Variants in MYO16 observed in about 807,000 individuals in gnomAD.
MYO16 encodes the protein unconventional myosin-XVI.
Under a neutral mutation model 205.3 loss-of-function variants are expected in MYO16, and 94 were observed. The observed-to-expected ratio is 0.46, with a 90% CI of 0.39 to 0.54. The LOEUF is 0.54. MYO16 is among the 20% of genes least tolerant of loss of function. MYO16 has a pLI of 0.00. For synonymous variants in MYO16, 988 were observed against 954.0 expected (o/e 1.04, Z -0.66); for missense variants, 2,315 against 2,387.5 (o/e 0.97, Z 0.63).
rs1883578913 is a variant in MYO16 at position 108,961,494 on chromosome 13, T to G, written c.2038-45T>G. ...TTTAAAAATTTTGCCTTTTAATCTT[T>G]CTTCTAAGCACCCTATTCATTCTCT... On this transcript the variant is annotated intron_variant, in intron 17 of 34. Transcript: ENST00000457511. 2.6e-6 allele frequency: 4 copies of G among 1,513,212 alleles called. No homozygotes were observed. In the South Asian group the frequency reaches 3.4e-5, roughly 13 times the overall value. The allele number at this position is 1,513,212 out of a possible 1,614,324, so 93.7% of individuals were successfully genotyped here. A position where few individuals can be genotyped will look rare whatever the true frequency, so the allele number is the denominator to read the frequency against.
the MYO16 span, among the ~76,000 whole-genome samples, chr13:108,521,648 A>C: frequency 1.3e-5 from 2 of 152,168 alleles, no homozygotes; most frequent in Non-Finnish European, 2.9e-5. Context: ...TGTGCTCTTT[A>C]TGTCTGATAA....
chr13:108,718,568 G>A (rs1419436867), intron 3 of MYO16, among the ~76,000 whole-genome samples: 1 of 151,956 alleles, frequency 6.6e-6, no homozygotes, highest in African/African-American at 2.4e-5. Flanking sequence ...GCAGGAAAGA[G>A]AGCGGGCACA....
At chr13:109,204,694 G>A (rs775661225) in intron 34 of MYO16, among the ~76,000 whole-genome samples, 6 of 152,108 alleles carry the variant, frequency 3.9e-5, no homozygotes, top group Admixed American at 6.5e-5. Context: ...TAGATGATGC[G>A]AACAAATGGA....
intron 1 of MYO16, among the ~76,000 whole-genome samples, chr13:108,606,825 C>T (rs570563523): frequency 1.3e-5 from 2 of 152,228 alleles, no homozygotes; most frequent in African/African-American, 4.8e-5. Context: ...TCAGTGCCAG[C>T]CCATGAAAGC....
At chr13:109,078,796 A>G (rs1043591798) in intron 27 of MYO16, among the ~76,000 whole-genome samples, 64 of 152,272 alleles carry the variant, frequency 4.2e-4, no homozygotes, top group Non-Finnish European at 1.5e-4. Flanking sequence ...CTGATGCAAA[A>G]CAATCGAGTT....
intron 4 of MYO16, among the ~76,000 whole-genome samples, chr13:108,771,789 T>A (rs1408160778): frequency 1.3e-5 from 2 of 152,202 alleles, no homozygotes; most frequent in Non-Finnish European, 2.9e-5. Context: ...CTTGGTAATA[T>A]GCATTTAAGG....
intron 6 of MYO16, among the ~76,000 whole-genome samples, chr13:108,805,643 G>A (rs1377602805): frequency 6.6e-6 from 1 of 151,846 alleles, no homozygotes; most frequent in Admixed American, 6.6e-5. Context: ...TCATTTGAGT[G>A]TGATGATAGT....
At chr13:108,990,209 T>G (rs1422886464) in intron 20 of MYO16, among the ~76,000 whole-genome samples, 1 of 151,182 alleles carries the variant, frequency 6.6e-6, no homozygotes, top group Non-Finnish European at 1.5e-5. Flanking sequence ...AAAATCACGC[T>G]AAGCCTCAGC....
intron 16 of MYO16, among the ~76,000 whole-genome samples, chr13:108,927,455 G>A (rs144428241): frequency 6.6e-6 from 1 of 152,222 alleles, no homozygotes; most frequent in East Asian, 1.9e-4. Flanking sequence ...ATTCTCACAT[G>A]CCCTGCTGAG....
chr13:108,706,185 A>G (rs1409322118), intron 2 of MYO16, among the ~76,000 whole-genome samples: 1 of 152,244 alleles, frequency 6.6e-6, no homozygotes, highest in Admixed American at 6.5e-5. Flanking sequence ...TCTATATGAA[A>G]GTATCAAATG....
intron 32 of MYO16, among the ~76,000 whole-genome samples, chr13:109,156,208 A>G (rs1337938900): frequency 6.6e-6 from 1 of 152,212 alleles, no homozygotes; most frequent in African/African-American, 2.4e-5. Context: ...GCTTGTATCC[A>G]AATTTAATTA....
chr13:109,190,217 T>C (rs1182346157), intron 34 of MYO16, among the ~76,000 whole-genome samples: 1 of 152,236 alleles, frequency 6.6e-6, no homozygotes, highest in East Asian at 1.9e-4. Flanking sequence ...TTTAGGTTTG[T>C]TTTTTACATT....
intron 20 of MYO16, among the ~76,000 whole-genome samples, chr13:108,987,897 T>C (rs1381270184): frequency 6.6e-6 from 1 of 152,222 alleles, no homozygotes. Flanking sequence ...CAGTCCTTTC[T>C]CCACTCTATA....
rs111790823 is a variant in MYO16, at chr13:108,650,072, C to G, written c.29-15814C>G. 1.6e-4 allele frequency among the ~76,000 whole-genome samples: 25 copies of G among 152,002 alleles called. 2 individuals carry two copies. Among genetic ancestry groups the G allele is most frequent in the African/African-American group, 5.8e-4 (24 of 41,494 alleles). ...ATGTGAACTTTAGTTTTGTCTCAGGCCTTTTAGTACTGAAAATGTTTTATA... is the reference window on the plus strand; with the variant it reads ...ATGTGAACTTTAGTTTTGTCTCAGGGCTTTTAGTACTGAAAATGTTTTATA... On this transcript the variant is annotated intron_variant, in intron 1 of 34. Transcript: ENST00000457511.
At chr13:109,052,662 G>C (rs1055890407) in intron 25 of MYO16, among the ~76,000 whole-genome samples, 187 bp downstream of exon 25, 3 of 152,056 alleles carry the variant, frequency 2.0e-5, no homozygotes, top group Admixed American at 6.6e-5. Flanking sequence ...GGAAGGTGCA[G>C]CAGAGTGACA....
At position 109,140,819 on chromosome 13, in the gene MYO16, TGGA is replaced by T; in HGVS notation, c.4610_4612del (p.Glu1537del). ...TCCGACGAGTCGCCCCTGACACCCC[TGGA>T]GGTGAAGAAGCTGCCAGTCCTGGAG... On this transcript the variant is annotated inframe_deletion, in exon 32 of 35. Coordinates refer to ENST00000457511, the MANE Select transcript of MYO16 (RefSeq NM_001198950.3). This position sits in a 1 kb window ranked among gnomAD's most constrained non-coding sequence, Gnocchi z 8.0. The T allele has an allele frequency of 6.4e-7, 1 of 1,570,010 alleles. No homozygotes were observed. Among genetic ancestry groups the T allele is most frequent in the South Asian group, 1.1e-5 (1 of 87,972 alleles).
Position 108,866,218 on chromosome 13 carries a change from G to A in MYO16, c.1401G>A (p.Lys467=). 6.2e-7 allele frequency: 1 copy of A among 1,601,196 alleles called. No individual in the cohort carries two copies. Among genetic ancestry groups the A allele is most frequent in the Admixed American group, 1.7e-5 (1 of 58,968 alleles). The change falls in exon 12 of 35, where the codon AAG becomes AAA. Residue 467 remains lysine (K), a synonymous_variant. Transcript: ENST00000457511. The stretch of plus-strand genomic sequence containing the variant: ...TTCTTTTGCTTGTTAACCCATACAA[G>A]GAGCTTCCAATTTATTCTTCCATGG... ...GDILLLVNPY[K]ELPIYSSMVS...
intron 21 of MYO16, among the ~76,000 whole-genome samples, chr13:109,000,282 CCTA>C (rs758850723): frequency 9.9e-5 from 15 of 152,112 alleles, no homozygotes; most frequent in Admixed American, 2.0e-4. Flanking sequence ...TTCTTGAGCT[CCTA>C]CTATTAGTCA....
At chr13:108,988,958 C>G (rs796191438) in intron 20 of MYO16, among the ~76,000 whole-genome samples, 1 of 152,142 alleles carries the variant, frequency 6.6e-6, no homozygotes, top group African/African-American at 2.4e-5. Flanking sequence ...ACTGGCAAAA[C>G]CAGACACTTT....
Sources: gnomAD v4.1 joint callset for allele counts (sites outside exome capture counted in the v4.1 genomes callset) on GRCh38, gnomAD v4.1.1 for gene constraint, Gnocchi (gnomAD v3.1) non-coding constraint, MANE v1.5 for transcripts, NCBI Gene and HGNC (gene_info 2026-07-23, HGNC 2026-07-21) for gene names.